The following MLLT10 variants were observed in gnomAD, a reference collection of about 807,000 sequenced individuals.
MLLT10 encodes protein AF-10.
A neutral mutation model predicts 129.1 loss-of-function variants in MLLT10; 30 were observed. That is an observed-to-expected ratio of 0.23 (90% confidence interval 0.17 to 0.32). MLLT10 has a LOEUF of 0.32. MLLT10 is among the 10% of genes least tolerant of loss of function. MLLT10 has a pLI of 1.00. For missense variants in MLLT10, 1,119 were observed against 1,268.3 expected (o/e 0.88, Z 1.79); for synonymous variants, 490 against 446.4 (o/e 1.10, Z -1.23).
chr10:21,710,209 T>C (rs993268266), intron 13 of MLLT10, among the ~76,000 whole-genome samples: 1 of 152,236 alleles, frequency 6.6e-6, no homozygotes. Context: ...CCCTGGGTGA[T>C]TCCATTTTTG....
chr10:21,536,601 G>T (rs2034057708), intron 2 of MLLT10, among the ~76,000 whole-genome samples: 1 of 152,180 alleles, frequency 6.6e-6, no homozygotes, highest in South Asian at 2.1e-4. Context: ...TTGAGACAGG[G>T]TCTCACTTTG....
intron 3 of MLLT10, among the ~76,000 whole-genome samples, chr10:21,562,603 G>C (rs1301419842): frequency 6.6e-6 from 1 of 152,004 alleles, no homozygotes; most frequent in Admixed American, 6.6e-5. Flanking sequence ...CTCCCAAAGT[G>C]CTGGGATTAC....
chr10:21,534,350 A>ATG lies in MLLT10; in HGVS notation c.-166_-165dup. On this transcript the variant is annotated 5_prime_UTR_variant, in exon 1 of 23. An upstream open reading frame in the 5' UTR loses its in-frame stop. Coordinates refer to ENST00000307729, the MANE Select transcript of MLLT10 (RefSeq NM_001195626.3). ...CGCCTGTGCGGAGGCCCTCTTGATT[A>ATG]TGTGTGCCCTCTCCGGGCGCCCGCG... 3.8e-6 allele frequency: 1 copy of ATG among 261,768 alleles called. No individual in the cohort carries two copies. Among genetic ancestry groups the ATG allele is most frequent in the Non-Finnish European group, 7.5e-6 (1 of 133,968 alleles). The allele number at this position is 261,768 out of a possible 1,614,324, so 16.2% of individuals were successfully genotyped here.
At chr10:21,607,085 T>C (rs1037850714) in intron 5 of MLLT10, among the ~76,000 whole-genome samples, 3 of 152,070 alleles carry the variant, frequency 2.0e-5, no homozygotes, top group Admixed American at 1.3e-4. Flanking sequence ...AGCAAGACCT[T>C]GTCTCTACTT....
intron 13 of MLLT10, among the ~76,000 whole-genome samples, chr10:21,684,986 CA>C (rs1164962584): frequency 6.6e-6 from 1 of 151,992 alleles, no homozygotes; most frequent in Non-Finnish European, 1.5e-5. Flanking sequence ...TTACTTCCTG[CA>C]AAGTTTTTTT....
At chr10:21,625,301 A>C in intron 8 of MLLT10, 1 of 825,228 alleles carries the variant, frequency 1.2e-6, no homozygotes, top group Non-Finnish European at 2.1e-6. Context: ...ATCCATAGCC[A>C]TAACAGCTGC....
chr10:21,638,997 GC>G (rs1351706857), intron 8 of MLLT10, among the ~76,000 whole-genome samples: 3 of 152,124 alleles, frequency 2.0e-5, no homozygotes, highest in Admixed American at 6.5e-5. Flanking sequence ...CCCATTAACT[GC>G]CTAGTTGACC....
chr10:21,625,895 G>T, intron 8 of MLLT10: 1 of 782,234 alleles, frequency 1.3e-6, no homozygotes, highest in East Asian at 2.4e-5. Flanking sequence ...CTCAAAAAGG[G>T]GCACCAACTC....
intron 13 of MLLT10, among the ~76,000 whole-genome samples, chr10:21,707,315 C>A (rs1308172226): frequency 1.3e-5 from 2 of 151,486 alleles, no homozygotes; most frequent in Admixed American, 6.6e-5. Context: ...GCCTCAGCCT[C>A]CCGTGTAGCT....
intron 14 of MLLT10, among the ~76,000 whole-genome samples, chr10:21,718,717 G>GTTGT (rs548036769): frequency 2.6e-5 from 4 of 152,240 alleles, no homozygotes; most frequent in African/African-American, 9.6e-5. Context: ...TGTTTTTGTT[G>GTTGT]TTGTTTGTTT....
intron 8 of MLLT10, among the ~76,000 whole-genome samples, chr10:21,626,925 G>C (rs1166617354): frequency 1.3e-5 from 2 of 152,216 alleles, no homozygotes; most frequent in Non-Finnish European, 2.9e-5. Context: ...GGGTGAGACT[G>C]AAGAGTATGG....
intron 5 of MLLT10, among the ~76,000 whole-genome samples, chr10:21,602,872 G>A (rs1337125187): frequency 3.3e-5 from 5 of 151,750 alleles, no homozygotes; most frequent in Non-Finnish European, 7.4e-5. Flanking sequence ...TGGGACTACA[G>A]GTGCCCTCCA....
intron 11 of MLLT10, among the ~76,000 whole-genome samples, chr10:21,678,496 T>G (rs1402536969): frequency 1.3e-5 from 2 of 152,152 alleles, no homozygotes; most frequent in Non-Finnish European, 2.9e-5. Flanking sequence ...TGAATTGTAC[T>G]TTGAAGTAGG....
intron 9 of MLLT10, among the ~76,000 whole-genome samples, chr10:21,659,110 G>T (rs966871783): frequency 2.6e-5 from 4 of 151,922 alleles, no homozygotes; most frequent in African/African-American, 9.7e-5. Flanking sequence ...CAGGTCCTTT[G>T]TCAGATACAT....
rs547316194 is a variant in MLLT10 at position 21,733,366 on chromosome 10, G to A, written c.2408-138G>A. 4 of 597,360 alleles carry A rather than the reference G, an allele frequency of 6.7e-6. No individual in the cohort carries two copies. In the East Asian group the frequency reaches 9.4e-5, roughly 14 times the overall value. The allele number at this position is 597,360 out of a possible 1,614,324, so 37.0% of individuals were successfully genotyped here. Reference sequence around the variant, plus strand: ...AGATTTTTTTTTCTTATTTAAATCAGTCTTAGGAATAGCAAGACTAGATAT... The same window carrying A: ...AGATTTTTTTTTCTTATTTAAATCAATCTTAGGAATAGCAAGACTAGATAT... On this transcript the variant is annotated intron_variant, in intron 18 of 22. Transcript: ENST00000307729.
At chr10:21,620,689 GT>G (rs894804600) in intron 8 of MLLT10, among the ~76,000 whole-genome samples, 11 of 151,746 alleles carry the variant, frequency 7.2e-5, no homozygotes, top group African/African-American at 2.7e-4. Flanking sequence ...TTTTAAAATT[GT>G]TTGTTCGTTT....
intron 3 of MLLT10, among the ~76,000 whole-genome samples, chr10:21,547,183 AT>A (rs2036223322): frequency 1.3e-5 from 2 of 151,196 alleles, no homozygotes; most frequent in African/African-American, 2.4e-5. Flanking sequence ...TCATTCTTTT[AT>A]TTTTTTTAAT....
intron 8 of MLLT10, among the ~76,000 whole-genome samples, chr10:21,644,438 G>T (rs1005962937): frequency 3.0e-4 from 45 of 152,100 alleles, no homozygotes; most frequent in Non-Finnish European, 6.2e-4. Context: ...GGAATGAGGG[G>T]TGCAGTATAG....
intron 3 of MLLT10, among the ~76,000 whole-genome samples, chr10:21,561,196 TC>T (rs2038754943): frequency 6.6e-6 from 1 of 152,272 alleles, no homozygotes; most frequent in East Asian, 1.9e-4. Context: ...GTGAAGATTT[TC>T]CCCTGTGTTT....
Sources: gnomAD v4.1 joint callset for allele counts (sites outside exome capture counted in the v4.1 genomes callset) on GRCh38, gnomAD v4.1.1 for gene constraint, MANE v1.5 for transcripts, NCBI Gene and HGNC (gene_info 2026-07-23, HGNC 2026-07-21) for gene names.